Variants in CTNNA3 observed in about 807,000 individuals in gnomAD.
CTNNA3 encodes catenin alpha-3.
Under a neutral mutation model 95.7 loss-of-function variants are expected in CTNNA3, and 76 were observed. The observed-to-expected ratio is 0.79, with a 90% CI of 0.66 to 0.96. CTNNA3 has a LOEUF of 0.96. Among genes scored for constraint, CTNNA3 ranks in the 40% least tolerant of loss-of-function variants. The probability of loss-of-function intolerance (pLI) is 0.00; values close to 1 mark genes in which losing one functional copy is unlikely to be tolerated. For synonymous variants in CTNNA3, 431 were observed against 374.4 expected (o/e 1.15, Z -1.74); for missense variants, 1,191 against 1,089.8 (o/e 1.09, Z -1.31).
intron 3 of CTNNA3, among the ~76,000 whole-genome samples, chr10:67,555,209 T>C (rs1373004970): frequency 6.6e-6 from 1 of 152,220 alleles, no homozygotes; most frequent in Non-Finnish European, 1.5e-5. Context: ...CTTTGTTCTT[T>C]TGGCTTAGGA....
chr10:67,697,049 T>G (rs1339904339), upstream of CTNNA3, among the ~76,000 whole-genome samples: 1 of 152,210 alleles, frequency 6.6e-6, no homozygotes. Flanking sequence ...CCAGATACTC[T>G]TAGCACAAAT....
At chr10:66,164,386 T>C (rs2085012679) in intron 13 of CTNNA3, among the ~76,000 whole-genome samples, 1 of 152,170 alleles carries the variant, frequency 6.6e-6, no homozygotes, top group South Asian at 2.1e-4. Context: ...CTCTCTGTAT[T>C]GCACTATTGG....
In CTNNA3 at chr10:66,741,452, G is replaced by T. The variant is rs188946627; in HGVS notation, c.1281+24812C>A. ...CTCACAGAGCAATTTATATAAGGCT[G>T]GGCCGAGATGGGTAATTTCAATTTA... On this transcript the variant is annotated intron_variant, in intron 9 of 17. Coordinates refer to ENST00000433211, the MANE Select transcript of CTNNA3 (RefSeq NM_013266.4). 2.7e-3 allele frequency among the ~76,000 whole-genome samples: 407 copies of T among 152,306 alleles called. 2 individuals carry two copies. The highest frequency in any genetic ancestry group is 9.2e-3 in the African/African-American group (382 of 41,574).
At chr10:66,432,105 A>C (rs977573007) in intron 11 of CTNNA3, among the ~76,000 whole-genome samples, 1 of 152,052 alleles carries the variant, frequency 6.6e-6, no homozygotes, top group Non-Finnish European at 1.5e-5. Context: ...ATTGAGAAAT[A>C]CTTTATTGAA....
chr10:67,753,529 A>G (rs1221630070), intron 1 of CTNNA3, among the ~76,000 whole-genome samples: 3 of 152,190 alleles, frequency 2.0e-5, no homozygotes, highest in African/African-American at 7.2e-5. Context: ...TGAACAGACA[A>G]CCTATGGAAT....
chr10:66,459,219 C>T (rs963842642), intron 11 of CTNNA3, among the ~76,000 whole-genome samples: 1 of 152,096 alleles, frequency 6.6e-6, no homozygotes, highest in Admixed American at 6.6e-5. Flanking sequence ...TTTTCTCTAG[C>T]TTTCTTTAAG....
chr10:67,182,488 T>G (rs1264906518), intron 6 of CTNNA3, among the ~76,000 whole-genome samples: 1 of 152,010 alleles, frequency 6.6e-6, no homozygotes, highest in Non-Finnish European at 1.5e-5. Flanking sequence ...TAGCCATATG[T>G]AGAAAGCTGA....
intron 7 of CTNNA3, among the ~76,000 whole-genome samples, chr10:66,857,009 G>C (rs368105109): frequency 1.3e-5 from 2 of 152,100 alleles, no homozygotes; most frequent in Admixed American, 6.6e-5. Context: ...GCATTTCCTA[G>C]GTAATCAGCC....
At chr10:67,652,832 A>G (rs1016038559) in intron 1 of CTNNA3, among the ~76,000 whole-genome samples, 2 of 152,144 alleles carry the variant, frequency 1.3e-5, no homozygotes, top group African/African-American at 4.8e-5. Flanking sequence ...TAGAGGATCT[A>G]TTCCTTCCTG....
At chr10:67,098,655 AC>A (rs1858155845) in intron 7 of CTNNA3, 1 of 152,342 alleles carries the variant, frequency 6.6e-6, no homozygotes, top group African/African-American at 2.4e-5. Context: ...ACAAAACATC[AC>A]TGGAAACAAA....
chr10:67,296,233 C>A (rs1191750175), intron 5 of CTNNA3, among the ~76,000 whole-genome samples: 4 of 152,124 alleles, frequency 2.6e-5, no homozygotes, highest in Non-Finnish European at 4.4e-5. Context: ...TCATTTAAGG[C>A]AAACACCACA....
At chr10:67,379,533 G>A (rs1370488508) in intron 5 of CTNNA3, among the ~76,000 whole-genome samples, 1 of 152,184 alleles carries the variant, frequency 6.6e-6, no homozygotes, top group Non-Finnish European at 1.5e-5. Flanking sequence ...AGTATCATGC[G>A]AATATGAACA....
At chr10:66,115,299 A>G (rs936955017) in intron 13 of CTNNA3, among the ~76,000 whole-genome samples, 1 of 152,200 alleles carries the variant, frequency 6.6e-6, no homozygotes, top group Non-Finnish European at 1.5e-5. Flanking sequence ...GGGTGGTGAC[A>G]GCAGATACAG....
chr10:66,234,018 A>G (rs997508290), intron 13 of CTNNA3, among the ~76,000 whole-genome samples: 43 of 152,162 alleles, frequency 2.8e-4, no homozygotes, highest in African/African-American at 9.4e-4. Flanking sequence ...TCTCTGTTCC[A>G]TTTATATAAA....
At chr10:66,649,409 C>T (rs1381191023) in intron 9 of CTNNA3, among the ~76,000 whole-genome samples, 2 of 152,056 alleles carry the variant, frequency 1.3e-5, no homozygotes, top group African/African-American at 4.8e-5. Context: ...ATAAGAAAGA[C>T]ACACTGATAA....
intron 14 of CTNNA3, among the ~76,000 whole-genome samples, chr10:66,072,428 T>C (rs2080458633): frequency 6.8e-6 from 1 of 147,120 alleles, no homozygotes; most frequent in African/African-American, 2.5e-5. Flanking sequence ...AAGTGATGCC[T>C]GAAACATTTT....
chr10:66,277,604 T>A (rs1249065734), intron 13 of CTNNA3, among the ~76,000 whole-genome samples: 1 of 152,142 alleles, frequency 6.6e-6, no homozygotes, highest in Non-Finnish European at 1.5e-5. Context: ...TTTATTTTTA[T>A]GCTATAACCC....
At chr10:65,928,653 C>T (rs1019651927) in intron 17 of CTNNA3, among the ~76,000 whole-genome samples, 1 of 152,090 alleles carries the variant, frequency 6.6e-6, no homozygotes, top group African/African-American at 2.4e-5. Flanking sequence ...GACATGAATT[C>T]AATTATTCTC....
intron 15 of CTNNA3, among the ~76,000 whole-genome samples, chr10:66,048,755 C>T (rs915709073): frequency 1.1e-4 from 16 of 151,838 alleles, no homozygotes; most frequent in Middle Eastern, 3.4e-3. Context: ...AGCGAGACTC[C>T]ATCTCAAAAA....
Sources: allele counts gnomAD v4.1 joint callset (sites outside exome capture counted in the v4.1 genomes callset), GRCh38; gene constraint gnomAD v4.1.1; transcripts MANE v1.5; gene names NCBI Gene and HGNC (gene_info 2026-07-23, HGNC 2026-07-21).